Variants in OR2L13 observed in about 807,000 individuals in gnomAD.
OR2L13 encodes the protein olfactory receptor family 2 subfamily L member 13.
OR2L13 carries 14 observed loss-of-function variants against 15.3 expected under a neutral mutation model. The observed-to-expected ratio is 0.91, with a 90% CI of 0.60 to 1.43. OR2L13 has a LOEUF of 1.43. OR2L13 is among the 40% of genes most tolerant of loss of function. The pLI is 0.00. For synonymous variants in OR2L13, 152 were observed against 142.9 expected (o/e 1.06, Z -0.45); for missense variants, 367 against 387.9 (o/e 0.95, Z 0.45).
At chr1:248,061,093 A>C in the OR2L13 span, 1 of 1,613,982 alleles carries the variant, frequency 6.2e-7, no homozygotes, top group East Asian at 2.2e-5. Context: ...CATGAGCAAA[A>C]GAATGTGTGT....
the OR2L13 span, chr1:248,060,702 A>G: frequency 1.2e-6 from 2 of 1,613,378 alleles, no homozygotes; most frequent in Non-Finnish European, 1.7e-6. Flanking sequence ...ACAATCAAAC[A>G]TCAACTGATT....
chr1:248,072,156 G>T, the OR2L13 span, among the ~76,000 whole-genome samples: 1 of 151,948 alleles, frequency 6.6e-6, no homozygotes, highest in African/African-American at 2.4e-5. Context: ...CCAGAAAAGA[G>T]CCCACATTGC....
chr1:247,965,893 C>T, the OR2L13 span: 1,704 of 1,612,448 alleles, frequency 1.1e-3, 23 homozygotes, highest in African/African-American at 0.02. Flanking sequence ...TAGGTCTCGG[C>T]TCATTAACCA....
At chr1:247,955,475 G>A in the OR2L13 span, among the ~76,000 whole-genome samples, 1 of 151,786 alleles carries the variant, frequency 6.6e-6, no homozygotes, top group African/African-American at 2.4e-5. Context: ...GTAATGCGAT[G>A]GCTGGGTCAA....
At chr1:247,984,209 G>T in the OR2L13 span, among the ~76,000 whole-genome samples, 2 of 149,944 alleles carry the variant, frequency 1.3e-5, no homozygotes, top group African/African-American at 2.5e-5. Context: ...AGGAGGTGGG[G>T]GGAGGAGGAG....
the OR2L13 span, among the ~76,000 whole-genome samples, chr1:247,938,519 AT>A: frequency 1.3e-5 from 2 of 152,204 alleles, no homozygotes; most frequent in African/African-American, 4.8e-5. Context: ...AGATTTACAA[AT>A]TTCCAGATTA....
the OR2L13 span, among the ~76,000 whole-genome samples, chr1:247,962,976 G>A: frequency 6.6e-6 from 1 of 152,078 alleles, no homozygotes; most frequent in Non-Finnish European, 1.5e-5. Context: ...ACTTGCAAAT[G>A]TTCTAGTCAG....
the OR2L13 span, among the ~76,000 whole-genome samples, chr1:247,998,492 A>G: frequency 0.087 from 13,273 of 152,094 alleles, 744 homozygotes; most frequent in African/African-American, 0.16. Context: ...TGATTATGTC[A>G]TGCTCATTAT....
chr1:247,965,948 A>C, the OR2L13 span: 1 of 1,608,982 alleles, frequency 6.2e-7, no homozygotes, highest in Non-Finnish European at 8.5e-7. Flanking sequence ...GTGTGTCAGG[A>C]CACCTCCCAG....
the OR2L13 span, among the ~76,000 whole-genome samples, chr1:247,961,025 G>A: frequency 5.6e-4 from 86 of 152,218 alleles, no homozygotes; most frequent in African/African-American, 2.0e-3. Flanking sequence ...CGTCTTCTGC[G>A]TCGCTCACGC....
the OR2L13 span, among the ~76,000 whole-genome samples, chr1:248,006,142 C>T: frequency 1.3e-5 from 2 of 152,100 alleles, no homozygotes; most frequent in South Asian, 2.1e-4. Flanking sequence ...TTGTACCCAA[C>T]TGCCACCTGT....
the OR2L13 span, among the ~76,000 whole-genome samples, chr1:248,052,260 C>T: frequency 6.6e-6 from 1 of 152,160 alleles, no homozygotes; most frequent in Admixed American, 6.5e-5. Flanking sequence ...TTTCCAAACA[C>T]CATTTATTTA....
At chr1:248,090,590 A>T (rs568329934), upstream of OR2L13, among the ~76,000 whole-genome samples, 304 of 152,214 alleles carry the variant, frequency 2.0e-3, no homozygotes, top group African/African-American at 7.1e-3. Context: ...CCTCCACTTC[A>T]TCCATGTTGC....
At chr1:247,965,604 C>A in the OR2L13 span, 1 of 1,571,036 alleles carries the variant, frequency 6.4e-7, no homozygotes, top group Non-Finnish European at 8.6e-7. Context: ...ACATCTCCAC[C>A]ACAGTGCCCA....
chr1:248,089,866 T>C, the OR2L13 span, among the ~76,000 whole-genome samples: 2 of 152,292 alleles, frequency 1.3e-5, no homozygotes, highest in South Asian at 4.1e-4. Flanking sequence ...CTGACTCTAA[T>C]TTTTTAGACA....
the OR2L13 span, among the ~76,000 whole-genome samples, chr1:248,048,297 C>A: frequency 6.6e-5 from 10 of 152,168 alleles, no homozygotes; most frequent in Admixed American, 3.3e-4. Flanking sequence ...GGTTCTCCAA[C>A]TTCATACCCT....
the OR2L13 span, among the ~76,000 whole-genome samples, chr1:248,066,777 G>T: frequency 6.6e-6 from 1 of 152,134 alleles, no homozygotes; most frequent in South Asian, 2.1e-4. Context: ...ACCACAAGTA[G>T]TGTGTTATTT....
the OR2L13 span, chr1:247,990,980 C>A: frequency 6.7e-7 from 1 of 1,502,454 alleles, no homozygotes; most frequent in Non-Finnish European, 9.3e-7. Flanking sequence ...AAGGCCTATT[C>A]GACCTGCAGC....
the OR2L13 span, chr1:248,024,233 T>A: frequency 5.9e-5 from 9 of 152,134 alleles, no homozygotes; most frequent in South Asian, 1.9e-3. Context: ...TTTGTAATGA[T>A]AGCCATTAAA....
Sources: allele counts gnomAD v4.1 joint callset (sites outside exome capture counted in the v4.1 genomes callset), GRCh38; gene constraint gnomAD v4.1.1; transcripts MANE v1.5; gene names NCBI Gene and HGNC (gene_info 2026-07-23, HGNC 2026-07-21).